SAP130: variants seen among roughly 807,000 people sequenced by gnomAD.
SAP130 encodes Sin3A associated protein 130.
In SAP130, 16 loss-of-function variants were observed where a neutral mutation model predicts 103.2. That is an observed-to-expected ratio of 0.16 (90% CI 0.10 to 0.24). SAP130 has a LOEUF of 0.24. Among genes scored for constraint, SAP130 ranks in the 10% least tolerant of loss-of-function variants. The pLI, the probability that SAP130 is intolerant of heterozygous loss-of-function variation, is 1.00. For missense variants in SAP130, 990 were observed against 1,359.7 expected (o/e 0.73, Z 4.28); for synonymous variants, 477 against 497.0 (o/e 0.96, Z 0.53).
chr2:127,943,722 T>C (rs867213885), intron 19 of SAP130, among the ~76,000 whole-genome samples: 1 of 152,246 alleles, frequency 6.6e-6, no homozygotes, highest in Non-Finnish European at 1.5e-5. Flanking sequence ...GACTGTTAAG[T>C]TGCTCTGTGT....
Position 127,989,492 on chromosome 2 carries a change from G to A in SAP130, c.1780+72C>T. On this transcript the variant is annotated intron_variant, in intron 13 of 20. Transcript: ENST00000643581. This position sits in a 1 kb window ranked among gnomAD's most constrained non-coding sequence, Gnocchi z 4.6. ...AAATTATAAGACGACAAAGCCAGTG[G>A]CAGAGAAAGGATTTAAACCCAAATG... is the stretch of plus-strand genomic sequence containing the variant. 1.5e-6 allele frequency: 2 copies of A among 1,329,828 alleles called. No homozygotes were observed. The highest frequency in any genetic ancestry group is 2.3e-5 in the East Asian group (1 of 43,132). The allele number at this position is 1,329,828 out of a possible 1,614,324, so 82.4% of individuals were successfully genotyped here.
In SAP130 at chr2:127,941,731, G is replaced by T; in HGVS notation, c.*275C>A. On this transcript the variant is annotated 3_prime_UTR_variant, in exon 21 of 21. Transcript: ENST00000643581. Reference sequence around the variant, plus strand: ...ACACCAGCCAGCCATCCTTGTCATTGCTTCCAACTGGTGGACACTGATGCA... The same window carrying T: ...ACACCAGCCAGCCATCCTTGTCATTTCTTCCAACTGGTGGACACTGATGCA... The T allele has an allele frequency of 2.3e-6, 1 of 426,002 alleles. No individual in the cohort carries two copies. The highest frequency in any genetic ancestry group is 4.1e-6 in the Non-Finnish European group (1 of 242,102). 26.4% of individuals were successfully genotyped at this position (426,002 alleles called of 1,614,324 possible). A position where few individuals can be genotyped will look rare whatever the true frequency, so the allele number is the denominator to read the frequency against.
chr2:127,999,609 A>G (rs530187733), intron 10 of SAP130, 132 bp downstream of exon 10: 15 of 488,128 alleles, frequency 3.1e-5, no homozygotes, highest in African/African-American at 2.6e-4. Flanking sequence ...AGGAAAGAAA[A>G]AGAAAAGAAA....
intron 12 of SAP130, among the ~76,000 whole-genome samples, chr2:127,990,108 A>C (rs1682685648): frequency 6.6e-6 from 1 of 152,228 alleles, no homozygotes; most frequent in Non-Finnish European, 1.5e-5. Context: ...TGATTAAAAC[A>C]AGAAAAAAGG....
At chr2:127,975,946 G>A (rs933381372) in intron 15 of SAP130, among the ~76,000 whole-genome samples, 2 of 152,282 alleles carry the variant, frequency 1.3e-5, no homozygotes, top group East Asian at 1.9e-4. Flanking sequence ...CTGGGTTCAC[G>A]CCATTCTCCT....
At chr2:128,010,431 A>G (rs1402651660) in intron 6 of SAP130, 38 bp from the exon 7 acceptor site, 1 of 1,587,150 alleles carries the variant, frequency 6.3e-7, no homozygotes, top group Non-Finnish European at 8.6e-7. Context: ...TAAAACAAAA[A>G]TAAAATAGAG....
intron 1 of SAP130, among the ~76,000 whole-genome samples, chr2:128,026,695 G>A (rs1685520006): frequency 6.6e-6 from 1 of 152,216 alleles, no homozygotes; most frequent in Non-Finnish European, 1.5e-5. Flanking sequence ...ACAGAACTGT[G>A]ATTAGTATGT....
chr2:127,956,716 A>G (rs923571220), intron 15 of SAP130, among the ~76,000 whole-genome samples: 1 of 151,278 alleles, frequency 6.6e-6, no homozygotes, highest in Non-Finnish European at 1.5e-5. Flanking sequence ...AAAAAAAAAA[A>G]AAAAAAAGAA....
rs150636834 is a variant in SAP130 at position 127,945,623 on chromosome 2, C to T, written c.2798-64G>A. 442 of 1,028,484 alleles carry T rather than the reference C, an allele frequency of 4.3e-4. 5 individuals are homozygous for T. In the Middle Eastern group the frequency reaches 0.015, roughly 35 times the overall value. The allele number at this position is 1,028,484 out of a possible 1,614,324, so 63.7% of individuals were successfully genotyped here. A position where few individuals can be genotyped will look rare whatever the true frequency, so the allele number is the denominator to read the frequency against. On this transcript the variant is annotated intron_variant, in intron 18 of 20. Coordinates refer to ENST00000643581, the MANE Select transcript of SAP130 (RefSeq NM_001330301.2). The stretch of plus-strand genomic sequence containing the variant: ...TTTAAAAAGGTAAATGATTTGTGTT[C>T]GAGCAGTGTAAATGCCATTATTTTA...
intron 14 of SAP130, among the ~76,000 whole-genome samples, chr2:127,983,611 T>C (rs966659460): frequency 8.6e-5 from 13 of 151,968 alleles, no homozygotes; most frequent in Non-Finnish European, 1.5e-4. Flanking sequence ...GAGGTTGGAG[T>C]GTCATGTGAT....
rs564283853 is a variant in SAP130 at position 127,976,493 on chromosome 2, T to G, written c.2063+1492A>C. Among the ~76,000 whole-genome samples the G allele has an allele frequency of 2.0e-5, 3 of 152,294 alleles. No individual in the cohort carries two copies. In the South Asian group the frequency reaches 6.2e-4, roughly 32 times the overall value. On this transcript the variant is annotated intron_variant, in intron 15 of 20. Coordinates refer to ENST00000643581, the MANE Select transcript of SAP130 (RefSeq NM_001330301.2). ...CAGGCACAAACAAGGCATTCACAAT[T>G]TTTTTTTCTCAAATGCGGTTTTATG...
At chr2:127,946,912 G>T (rs919168903) in intron 18 of SAP130, among the ~76,000 whole-genome samples, 4 of 146,252 alleles carry the variant, frequency 2.7e-5, no homozygotes, top group Non-Finnish European at 4.5e-5. Flanking sequence ...AAGGTAATTT[G>T]GTTAAGAAGT....
At chr2:127,976,089 G>A (rs1681442842) in intron 15 of SAP130, among the ~76,000 whole-genome samples, 1 of 152,272 alleles carries the variant, frequency 6.6e-6, no homozygotes, top group East Asian at 1.9e-4. Context: ...CTTGTGATCT[G>A]CCCGCCTCGG....
chr2:127,975,010 C>T (rs936454235), intron 15 of SAP130, among the ~76,000 whole-genome samples: 2 of 152,124 alleles, frequency 1.3e-5, no homozygotes, highest in Admixed American at 6.5e-5. Flanking sequence ...GATGTTCATA[C>T]AACAATGAAA....
At chr2:127,983,969 A>G (rs577630617) in intron 14 of SAP130, among the ~76,000 whole-genome samples, 97 of 152,026 alleles carry the variant, frequency 6.4e-4, no homozygotes, top group African/African-American at 2.1e-3. Flanking sequence ...ATATTATAAC[A>G]AACTCCTTAC....
At chr2:128,000,567 CA>C (rs1230912510) in intron 7 of SAP130, 113 bp from the exon 8 acceptor site, 2 of 1,209,372 alleles carry the variant, frequency 1.7e-6, no homozygotes, top group Admixed American at 4.7e-5. Flanking sequence ...GGAGTTAAAC[CA>C]ATACTTGGTC....
intron 6 of SAP130, among the ~76,000 whole-genome samples, chr2:128,012,200 T>G (rs956897494): frequency 2.6e-5 from 4 of 152,186 alleles, no homozygotes; most frequent in African/African-American, 9.7e-5. Flanking sequence ...CCGGGCACAG[T>G]AGCTCACGCC....
At chr2:127,992,102 G>A (rs893994365) in intron 12 of SAP130, among the ~76,000 whole-genome samples, 6 of 152,034 alleles carry the variant, frequency 3.9e-5, no homozygotes, top group Admixed American at 3.3e-4. Context: ...TTCCTTAGTA[G>A]TTGGGACTAG....
chr2:127,999,805 A>G lies in SAP130; in HGVS notation c.1149T>C (p.Val383=). The change falls in exon 10 of 21, where the codon GTT becomes GTC. Residue 383 remains valine (V), a synonymous_variant. Transcript: ENST00000643581. ...SHTQAPTSTI[V]TMTVPSHSSH... ...AGGAATGGGAGGGTACTGTCATGGT[A>G]ACAATGGTACTTGTGGGAGCTTGCG... is the stretch of plus-strand genomic sequence containing the variant. 1.3e-6 allele frequency: 2 copies of G among 1,538,038 alleles called. No homozygotes were observed. The highest frequency in any genetic ancestry group is 1.3e-5 in the South Asian group (1 of 77,546).
Sources: allele counts gnomAD v4.1 joint callset (sites outside exome capture counted in the v4.1 genomes callset), GRCh38; gene constraint gnomAD v4.1.1; non-coding constraint Gnocchi (gnomAD v3.1); transcripts MANE v1.5; gene names NCBI Gene and HGNC (gene_info 2026-07-23, HGNC 2026-07-21).